ZBTB38: variants seen among roughly 807,000 people sequenced by gnomAD.
The protein encoded by ZBTB38 is zinc finger and BTB domain-containing protein 38.
A neutral mutation model predicts 76.8 loss-of-function variants in ZBTB38; 20 were observed. That is an observed-to-expected ratio of 0.26 (90% confidence interval 0.18 to 0.38). The LOEUF (loss-of-function observed/expected upper bound fraction) is 0.38, where lower values mean the gene tolerates loss of function less well. Ranked by LOEUF, ZBTB38 falls within the 10% of genes least tolerant of loss-of-function variation. ZBTB38 has a pLI of 1.00. For missense variants in ZBTB38, 1,082 were observed against 1,482.3 expected (o/e 0.73, Z 4.43); for synonymous variants, 504 against 544.2 (o/e 0.93, Z 1.03).
rs75337224 is a variant in ZBTB38, at chr3:141,404,511, C to A, written c.-1+480C>A. Among the ~76,000 whole-genome samples the A allele has an allele frequency of 6.9e-3, 1,045 of 152,242 alleles. 12 individuals carry two copies. The highest frequency in any genetic ancestry group is 0.024 in the African/African-American group (991 of 41,516). On this transcript the variant is annotated intron_variant, in intron 5 of 5. Transcript: ENST00000321464. The stretch of plus-strand genomic sequence containing the variant: ...TATACAAATGTGAAGAGACCATCCC[C>A]GGGACACTTGCAGCTGTCGCAGACA...
At chr3:141,411,879 T>C (rs1956780355) in intron 5 of ZBTB38, among the ~76,000 whole-genome samples, 1 of 152,252 alleles carries the variant, frequency 6.6e-6, no homozygotes, top group Non-Finnish European at 1.5e-5. Context: ...GTATTGTCAA[T>C]ATTTGTTTTT....
chr3:141,351,147 T>C (rs958013087), intron 1 of ZBTB38, among the ~76,000 whole-genome samples: 9 of 152,204 alleles, frequency 5.9e-5, no homozygotes, highest in Non-Finnish European at 8.8e-5. Flanking sequence ...GAGGTGGTTG[T>C]GCTCAGAACT....
At chr3:141,347,800 T>C (rs531886547) in intron 1 of ZBTB38, among the ~76,000 whole-genome samples, 2 of 152,344 alleles carry the variant, frequency 1.3e-5, no homozygotes, top group South Asian at 4.1e-4. Flanking sequence ...CCCTGGACAT[T>C]GGTAACACCA....
At chr3:141,416,521 C>T (rs1390369819) in intron 5 of ZBTB38, among the ~76,000 whole-genome samples, 1 of 152,148 alleles carries the variant, frequency 6.6e-6, no homozygotes, top group Non-Finnish European at 1.5e-5. Flanking sequence ...GGAAGCTTAG[C>T]GTGGAGTTCT....
chr3:141,446,002 A>T lies in ZBTB38; in HGVS notation c.*26A>T. On this transcript the variant is annotated 3_prime_UTR_variant, in exon 6 of 6. Transcript: ENST00000321464. ...GTGGCAAGAATTAGAAAAATCTTCA[A>T]AAATATAGTTGGTGGTTTTTTTAGT... The T allele has an allele frequency of 1.3e-6, 2 of 1,526,458 alleles. No individual in the cohort carries two copies. Among genetic ancestry groups the T allele is most frequent in the Non-Finnish European group, 1.8e-6 (2 of 1,142,550 alleles). The allele number at this position is 1,526,458 out of a possible 1,614,324, so 94.6% of individuals were successfully genotyped here.
chr3:141,340,981 A>G (rs1943176799), intron 1 of ZBTB38, among the ~76,000 whole-genome samples: 4 of 142,526 alleles, frequency 2.8e-5, no homozygotes, highest in Non-Finnish European at 6.1e-5. Context: ...AAAGAAAGAA[A>G]GAAAGAAAGA....
At chr3:141,425,470 G>A (rs904862504) in intron 5 of ZBTB38, among the ~76,000 whole-genome samples, 1 of 152,182 alleles carries the variant, frequency 6.6e-6, no homozygotes, top group Non-Finnish European at 1.5e-5. Flanking sequence ...TCCCTTAAAT[G>A]TTCACCCCAG....
In ZBTB38 at chr3:141,443,242, C is replaced by T; in HGVS notation, c.854C>T (p.Pro285Leu). Residue 285 changes from proline to leucine, a missense_variant, in exon 6 of 6, where the codon CCT (proline) becomes CTT (leucine). Pro to Leu is a moderately conservative substitution (Grantham distance 98). Transcript: ENST00000321464. The surrounding 1 kb of genome is among the most constrained non-coding windows in gnomAD (Gnocchi z 5.6). ...SDSATENIPP[P>L]PVSNLEVNQE... is the part of the protein sequence containing the mutation. ...TCAGCCACAGAAAATATACCACCCC[C>T]TCCAGTATCCAACTTAGAGGTTAAT... 1 of 1,614,240 alleles carries T rather than the reference C, an allele frequency of 6.2e-7. No homozygotes were observed. Among genetic ancestry groups the T allele is most frequent in the Non-Finnish European group, 8.5e-7 (1 of 1,180,044 alleles).
chr3:141,443,552 G>C lies in ZBTB38; in HGVS notation c.1164G>C (p.Arg388=). 6.2e-7 allele frequency: 1 copy of C among 1,614,192 alleles called. No individual in the cohort carries two copies. The highest frequency in any genetic ancestry group is 1.7e-5 in the Admixed American group (1 of 60,024). ...KQFTTLNRLD[R]HEQICMRSSH... is the part of the protein sequence containing the mutation. ...TCACCACCCTGAACAGGTTGGATCG[G>C]CATGAACAGATCTGCATGAGGTCAA... The change falls in exon 6 of 6, where the codon CGG becomes CGC. Residue 388 remains arginine, a synonymous_variant. Transcript: ENST00000321464. This position sits in a 1 kb window ranked among gnomAD's most constrained non-coding sequence, Gnocchi z 5.6.
At chr3:141,410,595 A>G (rs1430200024) in intron 5 of ZBTB38, among the ~76,000 whole-genome samples, 6 of 152,238 alleles carry the variant, frequency 3.9e-5, no homozygotes. Context: ...CAAGCTGACC[A>G]TGACATCTGC....
chr3:141,414,934 T>C (rs2073605819), intron 5 of ZBTB38, among the ~76,000 whole-genome samples: 1 of 152,080 alleles, frequency 6.6e-6, no homozygotes, highest in Admixed American at 6.5e-5. Flanking sequence ...CTTTCCCTCT[T>C]TTCTGCATAT....
At chr3:141,402,288 C>T (rs1008079569) in intron 4 of ZBTB38, 1 of 152,098 alleles carries the variant, frequency 6.6e-6, no homozygotes, top group Non-Finnish European at 1.5e-5. Context: ...CCCGGACGGG[C>T]TGCGTCCTCT....
upstream of ZBTB38, chr3:141,367,628 T>C (rs1001712655): frequency 1.3e-5 from 2 of 152,230 alleles, no homozygotes; most frequent in African/African-American, 4.8e-5. Context: ...TGATCCAGGC[T>C]CTGCCATGAA....
chr3:141,355,827 A>G (rs1196024003), intron 1 of ZBTB38, among the ~76,000 whole-genome samples: 1 of 152,072 alleles, frequency 6.6e-6, no homozygotes, highest in Non-Finnish European at 1.5e-5. Flanking sequence ...TCAAACAAAG[A>G]TCTGAGTGGA....
chr3:141,370,314 T>G (rs1362984278), intron 2 of ZBTB38, among the ~76,000 whole-genome samples: 1 of 152,186 alleles, frequency 6.6e-6, no homozygotes, highest in Non-Finnish European at 1.5e-5. Context: ...CATGAAAAAG[T>G]GCACATGGGA....
chr3:141,363,232 G>A (rs1298589973), intron 1 of ZBTB38, among the ~76,000 whole-genome samples: 1 of 152,146 alleles, frequency 6.6e-6, no homozygotes, highest in Non-Finnish European at 1.5e-5. Context: ...ACAAAACATT[G>A]CTGAAATAAA....
intron 2 of ZBTB38, among the ~76,000 whole-genome samples, chr3:141,374,785 G>T (rs756200132): frequency 6.6e-6 from 1 of 151,958 alleles, no homozygotes; most frequent in African/African-American, 2.4e-5. Context: ...ACATTTTAAT[G>T]TATCAGTTTT....
intron 1 of ZBTB38, among the ~76,000 whole-genome samples, chr3:141,360,415 G>T (rs746666915): frequency 6.6e-6 from 1 of 152,148 alleles, no homozygotes; most frequent in Admixed American, 6.5e-5. Flanking sequence ...CATCAAAAAG[G>T]GTCTACAATT....
intron 2 of ZBTB38, among the ~76,000 whole-genome samples, chr3:141,372,406 T>C (rs1434649350): frequency 6.6e-6 from 1 of 152,066 alleles, no homozygotes; most frequent in African/African-American, 2.4e-5. Context: ...CCCTGCACTT[T>C]GGGAGGCCGA....
Sources: allele counts gnomAD v4.1 joint callset (sites outside exome capture counted in the v4.1 genomes callset), GRCh38; gene constraint gnomAD v4.1.1; non-coding constraint Gnocchi (gnomAD v3.1); transcripts MANE v1.5; gene names NCBI Gene and HGNC (gene_info 2026-07-23, HGNC 2026-07-21).